CCDC88C: variants seen among roughly 807,000 people sequenced by gnomAD.
CCDC88C encodes protein Daple.
A neutral mutation model predicts 198.8 loss-of-function variants in CCDC88C; 131 were observed. The ratio of observed to expected loss-of-function variants is 0.66; its 90% confidence interval spans 0.57 to 0.76. CCDC88C has a LOEUF of 0.76. CCDC88C is among the 30% of genes least tolerant of loss of function. The pLI, the probability that CCDC88C is intolerant of heterozygous loss-of-function variation, is 0.00. For synonymous variants in CCDC88C, 1,166 were observed against 1,114.7 expected, an observed-to-expected ratio of 1.05 and a Z score of -0.92; for missense variants, 2,553 against 2,631.6, an observed-to-expected ratio of 0.97 and a Z score of 0.65.
At position 91,273,459 on chromosome 14, in the gene CCDC88C, T is replaced by G. The variant is rs1312802141; in HGVS notation, c.5253A>C (p.Val1751=). The G allele has an allele frequency of 6.3e-7, 1 of 1,586,902 alleles. No homozygotes were observed. Among genetic ancestry groups the G allele is most frequent in the Non-Finnish European group, 8.6e-7 (1 of 1,165,478 alleles). The change falls in exon 30 of 30, where the codon GTA becomes GTC. Residue 1751 remains valine (V), a synonymous_variant. Transcript: ENST00000389857. This position sits in a 1 kb window ranked among gnomAD's most constrained non-coding sequence, Gnocchi z 5.6. The part of the protein sequence containing the change: ...EGRPLKPGQY[V]KPNFRLTEAE... Reference sequence around the variant, plus strand: ...CCTCAGTCAGTCTGAAGTTTGGCTTTACGTACTGCCCGGGCTTCAGCGGCC... The same window carrying G: ...CCTCAGTCAGTCTGAAGTTTGGCTTGACGTACTGCCCGGGCTTCAGCGGCC...
At chr14:91,414,320 G>A (rs1886933355) in intron 2 of CCDC88C, among the ~76,000 whole-genome samples, 1 of 152,172 alleles carries the variant, frequency 6.6e-6, no homozygotes, top group South Asian at 2.1e-4. Context: ...GGAAACTAAG[G>A]CACTGAGCGA....
rs1221465567 is a variant in CCDC88C at position 91,299,896 on chromosome 14, G to A, written c.3779+31C>T. On this transcript the variant is annotated intron_variant, in intron 21 of 29. Transcript: ENST00000389857. Reference sequence around the variant, plus strand: ...GAGTCTGAACAGAATCTGGGGTGCTGCTATGTGCAGGGCCGGGCGCCGGCG... The same window carrying A: ...GAGTCTGAACAGAATCTGGGGTGCTACTATGTGCAGGGCCGGGCGCCGGCG... 10 of 1,558,578 alleles carry A rather than the reference G, an allele frequency of 6.4e-6. No homozygotes were observed. In the East Asian group the frequency reaches 1.8e-4, roughly 28 times the overall value.
intron 3 of CCDC88C, among the ~76,000 whole-genome samples, chr14:91,387,786 G>A (rs1885233140): frequency 6.6e-6 from 1 of 152,210 alleles, no homozygotes; most frequent in African/African-American, 2.4e-5. Flanking sequence ...GAGCCGAGAT[G>A]CTGATGGCAT....
Position 91,342,789 on chromosome 14 carries a change from G to A in CCDC88C, c.400-326C>T, listed in dbSNP as rs545121790. ...GTGATTCTTAAGTACAGAAAGACGGGGGACACCTGGTTTAGGCCAGGGTGG... is the reference window on the plus strand; with the variant it reads ...GTGATTCTTAAGTACAGAAAGACGGAGGACACCTGGTTTAGGCCAGGGTGG... On this transcript the variant is annotated intron_variant, in intron 5 of 29. Transcript: ENST00000389857. Among the ~76,000 whole-genome samples the A allele has an allele frequency of 3.6e-4, 55 of 152,240 alleles. No homozygotes were observed. The Middle Eastern group carries it at 0.01, about 28-fold the overall frequency.
intron 25 of CCDC88C, chr14:91,285,878 A>C (rs1460711040): frequency 1.8e-6 from 2 of 1,090,006 alleles, no homozygotes; most frequent in Admixed American, 6.0e-5. Context: ...AGGAAGGAAA[A>C]AGAAAACACA....
chr14:91,404,121 C>T (rs150594099), intron 3 of CCDC88C, among the ~76,000 whole-genome samples: 6 of 152,234 alleles, frequency 3.9e-5, no homozygotes, highest in South Asian at 2.1e-4. Flanking sequence ...GTCCTAAAGC[C>T]GGTGTCCCCA....
chr14:91,339,740 G>GT lies in CCDC88C; in HGVS notation c.624+143dup. Reference sequence around the variant, plus strand: ...GAGGTGACCATGCACTGCAGGGGCCGTAACCAGGGAAAGCACGCACGTCCC... The same window carrying GT: ...GAGGTGACCATGCACTGCAGGGGCCGTTAACCAGGGAAAGCACGCACGTCCC... On this transcript the variant is annotated intron_variant, in intron 7 of 29. Transcript: ENST00000389857. This position sits in a 1 kb window ranked among gnomAD's most constrained non-coding sequence, Gnocchi z 5.8. 1 of 1,084,820 alleles carries GT rather than the reference G, an allele frequency of 9.2e-7. No individual in the cohort carries two copies. The highest frequency in any genetic ancestry group is 1.3e-6 in the Non-Finnish European group (1 of 778,690). 67.2% of individuals were successfully genotyped at this position (1,084,820 alleles called of 1,614,324 possible).
In CCDC88C at chr14:91,342,406, C is replaced by A; in HGVS notation, c.457G>T (p.Ala153Ser). The A allele has an allele frequency of 6.3e-7, 1 of 1,596,420 alleles. No homozygotes were observed. Among genetic ancestry groups the A allele is most frequent in the Non-Finnish European group, 8.5e-7 (1 of 1,171,440 alleles). The change falls in exon 6 of 30, where the codon GCT becomes TCT. Residue 153 changes from alanine to serine, a missense_variant. Physicochemically the swap from Ala to Ser is moderately conservative, Grantham distance 99 (BLOSUM62 1). Transcript: ENST00000389857. The part of the protein sequence containing the change: ...RIKQLDIETQ[A>S]GIVAHIQEVT... The stretch of plus-strand genomic sequence containing the variant: ...TCCTGGATATGGGCCACGATGCCAG[C>A]CTGGGTCTCAATGTCCAGCTGTTTG...
chr14:91,416,058 C>T (rs1006169806), intron 2 of CCDC88C, among the ~76,000 whole-genome samples: 2 of 152,188 alleles, frequency 1.3e-5, no homozygotes, highest in African/African-American at 2.4e-5. Flanking sequence ...CCAACACCTA[C>T]GTTGTGGCAA....
chr14:91,326,169 AG>A, intron 10 of CCDC88C, 113 bp from the exon 11 acceptor site: 1 of 921,576 alleles, frequency 1.1e-6, no homozygotes, highest in Non-Finnish European at 1.6e-6. Flanking sequence ...AACAATCTAG[AG>A]GGAAGTCCGA....
chr14:91,301,597 G>C (rs942615502), intron 20 of CCDC88C, among the ~76,000 whole-genome samples: 1 of 152,150 alleles, frequency 6.6e-6, no homozygotes, highest in African/African-American at 2.4e-5. Flanking sequence ...CATGCCTGTA[G>C]TCCCAGCTAC....
chr14:91,406,828 C>T (rs1596169674), intron 3 of CCDC88C, among the ~76,000 whole-genome samples: 1 of 152,242 alleles, frequency 6.6e-6, no homozygotes, highest in African/African-American at 2.4e-5. Flanking sequence ...AATGCCCCTG[C>T]CTATAGCATA....
intron 22 of CCDC88C, among the ~76,000 whole-genome samples, chr14:91,294,804 C>T (rs1411234910): frequency 4.6e-5 from 7 of 152,282 alleles, no homozygotes; most frequent in African/African-American, 7.2e-5. Context: ...ATTACAGGCG[C>T]GTGCCACCAC....
chr14:91,370,724 G>C (rs1029710103), intron 3 of CCDC88C, among the ~76,000 whole-genome samples: 6 of 152,186 alleles, frequency 3.9e-5, no homozygotes, highest in Non-Finnish European at 7.4e-5. Flanking sequence ...TGCGGATGGT[G>C]GGGGAGGGGA....
intron 4 of CCDC88C, among the ~76,000 whole-genome samples, chr14:91,350,010 T>C (rs946375793): frequency 2.6e-5 from 4 of 152,112 alleles, no homozygotes; most frequent in Admixed American, 2.0e-4. Context: ...TCAGAATCCT[T>C]CTGAACACAG....
At position 91,321,138 on chromosome 14, in the gene CCDC88C, G is replaced by A. The variant is rs1567074647; in HGVS notation, c.1509C>T (p.Asn503=). 3 of 1,611,228 alleles carry A rather than the reference G, an allele frequency of 1.9e-6. No individual in the cohort carries two copies. Among genetic ancestry groups the A allele is most frequent in the Non-Finnish European group, 2.5e-6 (3 of 1,178,718 alleles). ...GAGGTACCTTCTTGCTGAGCTGGTG[G>A]TTCTCCTTCTCCAGCTCCCCGCACT... ...GLKCGELEKE[N]HQLSKKIEKL... The change falls in exon 13 of 30, where the codon AAC becomes AAT. Residue 503 remains asparagine (N), a synonymous_variant. Coordinates refer to ENST00000389857, the MANE Select transcript of CCDC88C (RefSeq NM_001080414.4).
At chr14:91,314,338 G>A (rs1419329443) in intron 14 of CCDC88C, among the ~76,000 whole-genome samples, 188 bp from the exon 15 acceptor site, 1 of 152,160 alleles carries the variant, frequency 6.6e-6, no homozygotes, top group African/African-American at 2.4e-5. Context: ...CCACTTAGAT[G>A]GTTCAAGTCA....
chr14:91,391,390 A>T (rs1228455019), intron 3 of CCDC88C, among the ~76,000 whole-genome samples: 1 of 152,230 alleles, frequency 6.6e-6, no homozygotes, highest in African/African-American at 2.4e-5. Context: ...TTGTGCAACC[A>T]TCCCCACCAT....
In CCDC88C at chr14:91,416,796, G is replaced by A. The variant is rs758757962; in HGVS notation, c.103C>T (p.Leu35=). Residue 35 remains leucine, a synonymous_variant, in exon 2 of 30, where the codon CTG becomes TTG. Transcript: ENST00000389857. ...TCCACTAAATCCATGTACATAGTCA[G>A]GTTGTCCTGGCTGCCGCTTCCAAAC... ...GPFGSGSQDN[L]TMYMDLVDGI... is the part of the protein sequence containing the mutation. 1.9e-5 allele frequency: 30 copies of A among 1,613,596 alleles called. No individual in the cohort carries two copies. The highest frequency in any genetic ancestry group is 4.2e-6 in the Non-Finnish European group (5 of 1,179,806).
Sources: gnomAD v4.1 joint callset for allele counts (sites outside exome capture counted in the v4.1 genomes callset) on GRCh38, gnomAD v4.1.1 for gene constraint, Gnocchi (gnomAD v3.1) non-coding constraint, MANE v1.5 for transcripts, NCBI Gene and HGNC (gene_info 2026-07-23, HGNC 2026-07-21) for gene names.